KCNH8: variants seen among roughly 807,000 people sequenced by gnomAD.
KCNH8 encodes the protein potassium voltage-gated channel subfamily H member 8, also known as voltage-gated delayed rectifier potassium channel KCNH8.
In KCNH8, 70 loss-of-function variants were observed where a neutral mutation model predicts 103.6. That is an observed-to-expected ratio of 0.68 (90% CI 0.56 to 0.82). KCNH8 has a LOEUF of 0.82. Among genes scored for constraint, KCNH8 ranks in the 40% least tolerant of loss-of-function variants. The probability of loss-of-function intolerance (pLI) is 0.00; values close to 1 mark genes in which losing one functional copy is unlikely to be tolerated. For missense variants in KCNH8, 1,217 were observed against 1,329.9 expected, an observed-to-expected ratio of 0.92 and a Z score of 1.32; for synonymous variants, 498 against 489.4, an observed-to-expected ratio of 1.02 and a Z score of -0.23.
intron 3 of KCNH8, among the ~76,000 whole-genome samples, chr3:19,311,427 A>G (rs938834487): frequency 4.6e-5 from 7 of 151,622 alleles, no homozygotes; most frequent in African/African-American, 1.7e-4. Context: ...ATTAACTACT[A>G]TAGCCATTTA....
rs899525257 is a variant in KCNH8, at chr3:19,413,714, G to A, written c.1177+18403G>A. Among the ~76,000 whole-genome samples, 4 of 152,080 alleles carry A rather than the reference G, an allele frequency of 2.6e-5. No homozygotes were observed. The Middle Eastern group carries it at 0.01, about 388-fold the overall frequency. On this transcript the variant is annotated intron_variant, in intron 7 of 15. Transcript: ENST00000328405. ...GGACTTCCAGCCTCTAGCACTTGGG[G>A]GAAATAATTTGTTTTTTGAGCCAGT... is the stretch of plus-strand genomic sequence containing the variant.
At chr3:19,411,538 A>G (rs2066778947) in intron 7 of KCNH8, among the ~76,000 whole-genome samples, 1 of 152,076 alleles carries the variant, frequency 6.6e-6, no homozygotes, top group African/African-American at 2.4e-5. Flanking sequence ...AGAAAGAAAT[A>G]AGAGTCATCC....
At chr3:19,260,813 A>T (rs2064424388) in intron 2 of KCNH8, among the ~76,000 whole-genome samples, 1 of 148,118 alleles carries the variant, frequency 6.8e-6, no homozygotes, top group South Asian at 2.1e-4. Flanking sequence ...TATATATTTG[A>T]TCTGTTTTTC....
At chr3:19,189,520 G>A (rs2063531698) in intron 1 of KCNH8, among the ~76,000 whole-genome samples, 1 of 151,692 alleles carries the variant, frequency 6.6e-6, no homozygotes, top group East Asian at 1.9e-4. Flanking sequence ...TTAGTTTTTT[G>A]AAAGAGAATT....
intron 1 of KCNH8, among the ~76,000 whole-genome samples, chr3:19,206,358 A>G (rs1001303611): frequency 6.6e-6 from 1 of 151,532 alleles, no homozygotes. Context: ...TTGTGCTGCT[A>G]TAAACGTGTG....
chr3:19,234,800 A>G (rs995465804), intron 1 of KCNH8, among the ~76,000 whole-genome samples: 62 of 152,370 alleles, frequency 4.1e-4, no homozygotes, highest in African/African-American at 1.5e-3. Flanking sequence ...GCACGCTGTC[A>G]CCGCTGAATT....
At chr3:19,149,524 G>A (rs1322440984) in intron 1 of KCNH8, among the ~76,000 whole-genome samples, 1 of 152,062 alleles carries the variant, frequency 6.6e-6, no homozygotes, top group East Asian at 1.9e-4. Flanking sequence ...AAATAGATAG[G>A]ATGTTGTGTG....
chr3:19,340,263 T>C (rs1016458998), intron 3 of KCNH8, among the ~76,000 whole-genome samples: 2 of 152,020 alleles, frequency 1.3e-5, no homozygotes, highest in African/African-American at 4.8e-5. Flanking sequence ...GTAGAGAGAT[T>C]TTATGATGAA....
chr3:19,370,850 A>T (rs1051880893), intron 5 of KCNH8, among the ~76,000 whole-genome samples: 3 of 151,426 alleles, frequency 2.0e-5, no homozygotes, highest in African/African-American at 7.3e-5. Flanking sequence ...ATGAGTGAGA[A>T]TATGCGGTGT....
At chr3:19,487,688 C>T (rs1300523790) in intron 11 of KCNH8, among the ~76,000 whole-genome samples, 2 of 152,186 alleles carry the variant, frequency 1.3e-5, no homozygotes, top group Non-Finnish European at 2.9e-5. Flanking sequence ...TAGAAAAAGT[C>T]TCTATTCTTT....
intron 11 of KCNH8, among the ~76,000 whole-genome samples, chr3:19,461,858 GC>G (rs1405053984): frequency 6.6e-6 from 1 of 151,810 alleles, no homozygotes; most frequent in African/African-American, 2.4e-5. Context: ...GATGTTCCCC[GC>G]CCTGTGTCCA....
chr3:19,255,530 C>T (rs2064335777), intron 2 of KCNH8, among the ~76,000 whole-genome samples: 1 of 152,002 alleles, frequency 6.6e-6, no homozygotes, highest in Non-Finnish European at 1.5e-5. Flanking sequence ...AGAGAGCATC[C>T]TCGTCTTGTG....
chr3:19,474,533 T>C (rs1230307489), intron 11 of KCNH8, among the ~76,000 whole-genome samples: 3 of 152,150 alleles, frequency 2.0e-5, no homozygotes, highest in Non-Finnish European at 4.4e-5. Context: ...AAATTATGAA[T>C]GTGAAGGCCA....
At position 19,450,117 on chromosome 3, in the gene KCNH8, G is replaced by A. The variant is rs2067424641; in HGVS notation, c.1387G>A (p.Ala463Thr). The A allele has an allele frequency of 1.2e-6, 2 of 1,613,196 alleles. No individual in the cohort carries two copies. Among genetic ancestry groups the A allele is most frequent in the Non-Finnish European group, 1.7e-6 (2 of 1,179,568 alleles). Residue 463 changes from alanine to threonine, a missense_variant, in exon 9 of 16, where the codon GCC becomes ACC. Transcript: ENST00000328405. ...CTMLIGALMHALVFGNVTAII... is the reference protein window; with the variant it reads ...CTMLIGALMHTLVFGNVTAII... ...GTTGTTCTTTCTAGCCTTGATGCAC[G>A]CCTTGGTGTTTGGAAACGTGACAGC...
At chr3:19,352,515 G>GAA (rs2065817609) in intron 5 of KCNH8, among the ~76,000 whole-genome samples, 1 of 152,130 alleles carries the variant, frequency 6.6e-6, no homozygotes. Context: ...CAAAAGAACA[G>GAA]AAATTATAAA....
chr3:19,247,869 T>G (rs1439985339), intron 1 of KCNH8, among the ~76,000 whole-genome samples: 10 of 152,172 alleles, frequency 6.6e-5, no homozygotes, highest in Admixed American at 6.5e-4. Context: ...ATGGTTATTT[T>G]TAAATATTTG....
intron 7 of KCNH8, among the ~76,000 whole-genome samples, chr3:19,427,604 G>C (rs538934624): frequency 6.6e-6 from 1 of 152,146 alleles, no homozygotes; most frequent in Non-Finnish European, 1.5e-5. Flanking sequence ...TAACCAAAGA[G>C]TTCTATTCCT....
At chr3:19,481,414 C>T (rs2068084521) in intron 11 of KCNH8, among the ~76,000 whole-genome samples, 1 of 151,872 alleles carries the variant, frequency 6.6e-6, no homozygotes, top group Non-Finnish European at 1.5e-5. Context: ...AAAGTTATCC[C>T]CAGTAGAGAT....
chr3:19,403,738 T>C (rs916852119), intron 7 of KCNH8, among the ~76,000 whole-genome samples: 4 of 151,654 alleles, frequency 2.6e-5, no homozygotes, highest in Non-Finnish European at 5.9e-5. Context: ...AAAATAAAAA[T>C]CATAACCACA....
Sources: allele counts gnomAD v4.1 joint callset (sites outside exome capture counted in the v4.1 genomes callset), GRCh38; gene constraint gnomAD v4.1.1; transcripts MANE v1.5; gene names NCBI Gene and HGNC (gene_info 2026-07-23, HGNC 2026-07-21).